Variants in LRMDA observed in about 807,000 individuals in gnomAD.
LRMDA encodes the protein leucine rich melanocyte differentiation associated.
A neutral mutation model predicts 29.8 loss-of-function variants in LRMDA; 18 were observed. The ratio of observed to expected loss-of-function variants is 0.60; its 90% CI spans 0.42 to 0.90. The LOEUF is 0.90. Ranked by LOEUF, LRMDA falls within the 40% of genes least tolerant of loss-of-function variation. LRMDA has a pLI of 0.00. For synonymous variants in LRMDA, 125 were observed against 109.4 expected (o/e 1.14, Z -0.89); for missense variants, 273 against 273.9 (o/e 1.00, Z 0.02).
At chr10:76,077,738 G>A (rs1848982083) in intron 5 of LRMDA, among the ~76,000 whole-genome samples, 1 of 151,988 alleles carries the variant, frequency 6.6e-6, no homozygotes, top group South Asian at 2.1e-4. Flanking sequence ...AGGAAATAGG[G>A]TACTTTTTAG....
chr10:75,697,503 CTTT>C (rs774890897), intron 2 of LRMDA, among the ~76,000 whole-genome samples: 2 of 134,918 alleles, frequency 1.5e-5, no homozygotes, highest in Non-Finnish European at 1.6e-5. Flanking sequence ...GAGGAGCATT[CTTT>C]TTTTTTTTTT....
chr10:76,424,529 A>G (rs545325118), intron 6 of LRMDA, among the ~76,000 whole-genome samples: 1 of 151,944 alleles, frequency 6.6e-6, no homozygotes, highest in African/African-American at 2.4e-5. Flanking sequence ...ACAGAGCAAG[A>G]CTCCATCTCA....
chr10:75,528,712 A>T (rs1286823762), intron 2 of LRMDA, among the ~76,000 whole-genome samples: 2 of 152,198 alleles, frequency 1.3e-5, no homozygotes, highest in African/African-American at 4.8e-5. Context: ...CTTGATGTTT[A>T]TGAGAAACCT....
intron 2 of LRMDA, among the ~76,000 whole-genome samples, chr10:75,620,047 G>A (rs1841162182): frequency 1.3e-5 from 2 of 152,092 alleles, no homozygotes; most frequent in East Asian, 1.9e-4. Flanking sequence ...CTGCTACCAA[G>A]GCAGCCAGCA....
intron 5 of LRMDA, among the ~76,000 whole-genome samples, chr10:76,068,175 C>G (rs932203491): frequency 1.3e-5 from 2 of 152,168 alleles, no homozygotes; most frequent in Non-Finnish European, 2.9e-5. Flanking sequence ...ATTTCCAAAC[C>G]ACCTGCTACT....
At chr10:75,693,695 C>A (rs1842198444) in intron 2 of LRMDA, among the ~76,000 whole-genome samples, 1 of 152,142 alleles carries the variant, frequency 6.6e-6, no homozygotes, top group Non-Finnish European at 1.5e-5. Context: ...ACTTAATGCG[C>A]CTTATTCTCT....
chr10:75,448,605 AT>A (rs1296532568), intron 2 of LRMDA, among the ~76,000 whole-genome samples: 1 of 152,208 alleles, frequency 6.6e-6, no homozygotes, highest in East Asian at 1.9e-4. Flanking sequence ...CTCTATTAGC[AT>A]TTAGTGGGTG....
intron 5 of LRMDA, among the ~76,000 whole-genome samples, chr10:76,214,035 A>G (rs1459439430): frequency 1.3e-5 from 2 of 152,186 alleles, no homozygotes; most frequent in South Asian, 2.1e-4. Flanking sequence ...ATGTTACATC[A>G]TGGCCCATGG....
chr10:76,369,954 G>A (rs916430774), intron 6 of LRMDA, among the ~76,000 whole-genome samples: 1 of 152,114 alleles, frequency 6.6e-6, no homozygotes, highest in Non-Finnish European at 1.5e-5. Flanking sequence ...ATTTGGAAAT[G>A]TAGACAAATA....
In LRMDA at chr10:75,528,773, TGGA is replaced by T. The variant is rs532398326; in HGVS notation, c.131+90283_131+90285del. Among the ~76,000 whole-genome samples, 9 of 152,156 alleles carry T rather than the reference TGGA, an allele frequency of 5.9e-5. No individual in the cohort carries two copies. In the East Asian group the frequency reaches 1.7e-3, roughly 29 times the overall value. ...TAAACAAGAAAGAAAGGAAGAAACT[TGGA>T]GGAATCAGGGACTATGCTGGGAGAA... On this transcript the variant is annotated intron_variant, in intron 2 of 6. Coordinates refer to ENST00000611255, the MANE Select transcript of LRMDA (RefSeq NM_001305581.2).
intron 6 of LRMDA, among the ~76,000 whole-genome samples, chr10:76,488,645 A>G (rs1314186313): frequency 6.6e-6 from 1 of 151,908 alleles, no homozygotes; most frequent in Non-Finnish European, 1.5e-5. Context: ...ATGCTTTCAC[A>G]TGGTACATTT....
chr10:75,484,139 A>G (rs1360472163), intron 2 of LRMDA, among the ~76,000 whole-genome samples: 1 of 152,030 alleles, frequency 6.6e-6, no homozygotes, highest in Non-Finnish European at 1.5e-5. Context: ...TATTTTTTGT[A>G]GAGATGAGAT....
intron 2 of LRMDA, among the ~76,000 whole-genome samples, chr10:75,926,107 T>A (rs192383592): frequency 8.1e-4 from 123 of 152,262 alleles, no homozygotes; most frequent in Middle Eastern, 3.4e-3. Flanking sequence ...TAGGTACACA[T>A]AGGCATGTGG....
At chr10:76,500,629 T>G (rs1328550448) in intron 6 of LRMDA, among the ~76,000 whole-genome samples, 1 of 75,396 alleles carries the variant, frequency 1.3e-5, no homozygotes, top group African/African-American at 3.2e-5. Flanking sequence ...CACACCATCC[T>G]CAGCACTGGG....
chr10:75,718,929 C>T (rs922809225), intron 2 of LRMDA, among the ~76,000 whole-genome samples: 3 of 152,166 alleles, frequency 2.0e-5, no homozygotes, highest in African/African-American at 7.2e-5. Flanking sequence ...TAACCATTTA[C>T]TCCTATCCTG....
At chr10:76,517,416 G>A (rs1189185996) in intron 6 of LRMDA, among the ~76,000 whole-genome samples, 1 of 152,098 alleles carries the variant, frequency 6.6e-6, no homozygotes, top group Non-Finnish European at 1.5e-5. Flanking sequence ...CATCAAAATG[G>A]AAGCAGGGAA....
At chr10:76,383,446 C>T (rs1417453082) in intron 6 of LRMDA, among the ~76,000 whole-genome samples, 2 of 108,424 alleles carry the variant, frequency 1.8e-5, no homozygotes, top group Admixed American at 1.2e-4. Context: ...TTTTTTGAGA[C>T]GGAGTCTCGC....
At chr10:75,840,033 T>TAC (rs1233814371) in intron 2 of LRMDA, among the ~76,000 whole-genome samples, 2 of 152,220 alleles carry the variant, frequency 1.3e-5, no homozygotes, top group African/African-American at 2.4e-5. Context: ...AATGACATGC[T>TAC]ACAACTTGTT....
At chr10:76,271,186 C>T (rs977226171) in intron 5 of LRMDA, among the ~76,000 whole-genome samples, 1 of 152,144 alleles carries the variant, frequency 6.6e-6, no homozygotes, top group South Asian at 2.1e-4. Flanking sequence ...GGTGGGTGAA[C>T]TGCATTAACT....
Sources: gnomAD v4.1 joint callset for allele counts (sites outside exome capture counted in the v4.1 genomes callset) on GRCh38, gnomAD v4.1.1 for gene constraint, MANE v1.5 for transcripts, NCBI Gene and HGNC (gene_info 2026-07-23, HGNC 2026-07-21) for gene names.